JMJD1C: variants seen among roughly 807,000 people sequenced by gnomAD.
JMJD1C encodes the protein jumonji domain-containing protein 1C.
In JMJD1C, 31 loss-of-function variants were observed where a neutral mutation model predicts 245.3. The observed-to-expected ratio is 0.13, with a 90% CI of 0.09 to 0.17. The LOEUF is 0.17. Ranked by LOEUF, JMJD1C falls within the 10% of genes least tolerant of loss-of-function variation. JMJD1C has a pLI of 1.00. For synonymous variants in JMJD1C, 1,057 were observed against 1,017.4 expected, an observed-to-expected ratio of 1.04 and a Z score of -0.74; for missense variants, 2,691 against 3,000.2, an observed-to-expected ratio of 0.90 and a Z score of 2.41.
At chr10:63,476,907 T>C (rs188647379) in intron 1 of JMJD1C, among the ~76,000 whole-genome samples, 2 of 152,144 alleles carry the variant, frequency 1.3e-5, no homozygotes, top group East Asian at 1.9e-4. Flanking sequence ...GGGGAAAATA[T>C]GCAAACTAAA....
Position 63,168,367 on chromosome 10 carries a change from T to C in JMJD1C, c.7533+68A>G, listed in dbSNP as rs1158550259. ...AACTAGGCAATGACTGCCTAAGCTG[T>C]TATACATGTATCATATTTCTGAATA... On this transcript the variant is annotated intron_variant, in intron 25 of 25. Coordinates refer to ENST00000399262, the MANE Select transcript of JMJD1C (RefSeq NM_032776.3). 21 of 1,485,770 alleles carry C rather than the reference T, an allele frequency of 1.4e-5. No individual in the cohort carries two copies. The East Asian group carries it at 2.9e-4, about 21-fold the overall frequency. The allele number at this position is 1,485,770 out of a possible 1,614,324, so 92.0% of individuals were successfully genotyped here.
rs892710711 is a variant in JMJD1C, at chr10:63,465,916, C to G, written c.-254G>C. ...CACACAAGAAAACTGAAACAAAACC[C>G]AACGCGGCCGTCGAAGACCCCGAGG... is the stretch of plus-strand genomic sequence containing the variant. On this transcript the variant is annotated 5_prime_UTR_variant, in exon 1 of 26. Transcript: ENST00000399262. The G allele has an allele frequency of 1.6e-6, 1 of 622,870 alleles. No homozygotes were observed. Among genetic ancestry groups the G allele is most frequent in the Non-Finnish European group, 2.9e-6 (1 of 340,638 alleles). The allele number at this position is 622,870 out of a possible 1,614,324, so 38.6% of individuals were successfully genotyped here. A position where few individuals can be genotyped will look rare whatever the true frequency, so the allele number is the denominator to read the frequency against.
intron 3 of JMJD1C, among the ~76,000 whole-genome samples, chr10:63,258,627 C>T (rs908873575): frequency 4.5e-4 from 69 of 152,176 alleles, no homozygotes; most frequent in African/African-American, 1.7e-3. Context: ...CACCAACCAC[C>T]CCACCAACCC....
intron 2 of JMJD1C, among the ~76,000 whole-genome samples, chr10:63,293,833 C>G (rs1859059881): frequency 6.6e-6 from 1 of 152,056 alleles, no homozygotes; most frequent in Non-Finnish European, 1.5e-5. Flanking sequence ...TCTTCACAAC[C>G]CTTAAATGTG....
At chr10:63,357,054 T>TA (rs1944905487) in intron 2 of JMJD1C, among the ~76,000 whole-genome samples, 1 of 151,992 alleles carries the variant, frequency 6.6e-6, no homozygotes, top group Admixed American at 6.6e-5. Context: ...TTTTTTTTTT[T>TA]AATGGACTCT....
At chr10:63,172,038 G>A (rs535115840) in intron 24 of JMJD1C, among the ~76,000 whole-genome samples, 2 of 152,308 alleles carry the variant, frequency 1.3e-5, no homozygotes, top group South Asian at 2.1e-4. Flanking sequence ...CACCCCACAG[G>A]AGAGGAAAGG....
intron 1 of JMJD1C, chr10:63,465,144 C>G (rs927035080): frequency 3.1e-6 from 1 of 320,812 alleles, no homozygotes; most frequent in Non-Finnish European, 5.7e-6. Flanking sequence ...CCCCCTACCC[C>G]CACCTGCCCG....
At chr10:63,194,690 T>C (rs1223112934) in intron 13 of JMJD1C, 1 of 231,268 alleles carries the variant, frequency 4.3e-6, no homozygotes, top group Non-Finnish European at 8.7e-6. Context: ...GTAGCTAATC[T>C]TCTATCTCTT....
intron 2 of JMJD1C, among the ~76,000 whole-genome samples, chr10:63,339,150 A>T (rs1403853297): frequency 6.6e-6 from 1 of 152,210 alleles, no homozygotes; most frequent in Non-Finnish European, 1.5e-5. Context: ...AGCCAGCCCA[A>T]CAGGGAGAAG....
intron 3 of JMJD1C, among the ~76,000 whole-genome samples, chr10:63,224,977 G>A (rs1849069302): frequency 1.3e-5 from 2 of 151,534 alleles, no homozygotes; most frequent in South Asian, 2.1e-4. Flanking sequence ...CAGGAGAATC[G>A]CTTGAACCCA....
At chr10:63,244,817 A>AGGGGGGG (rs370952932) in intron 3 of JMJD1C, among the ~76,000 whole-genome samples, 1 of 52,794 alleles carries the variant, frequency 1.9e-5, no homozygotes, top group African/African-American at 7.1e-5. Flanking sequence ...TTAAAAAAAA[A>AGGGGGGG]GGGGGGGGGA....
rs1016904484 is a variant in JMJD1C, at chr10:63,267,313, G to C, written c.334-2549C>G. On this transcript the variant is annotated intron_variant, in intron 2 of 25. Coordinates refer to ENST00000399262, the MANE Select transcript of JMJD1C (RefSeq NM_032776.3). ...ATGAAGTGATATTAAAATACACCCC[G>C]GTTTTTTTAACTGGCAAAACAACCA... Among the ~76,000 whole-genome samples, 6 of 151,906 alleles carry C rather than the reference G, an allele frequency of 3.9e-5. No homozygotes were observed. The East Asian group carries it at 5.8e-4, about 15-fold the overall frequency.
chr10:63,315,644 A>G (rs2134075684), intron 2 of JMJD1C, among the ~76,000 whole-genome samples: 1 of 152,080 alleles, frequency 6.6e-6, no homozygotes, highest in Admixed American at 6.6e-5. Flanking sequence ...GATTGAGATC[A>G]TCCTGGCCAA....
intron 1 of JMJD1C, among the ~76,000 whole-genome samples, chr10:63,487,940 G>T (rs1954050212): frequency 6.6e-6 from 1 of 152,148 alleles, no homozygotes; most frequent in Admixed American, 6.5e-5. Context: ...TTCTAAGAAA[G>T]GTATATTATT....
At chr10:63,299,754 A>C (rs948828866) in intron 2 of JMJD1C, among the ~76,000 whole-genome samples, 1 of 152,134 alleles carries the variant, frequency 6.6e-6, no homozygotes, top group Non-Finnish European at 1.5e-5. Flanking sequence ...GAATTCCAAG[A>C]AACTCTACAA....
In JMJD1C at chr10:63,462,609, G is replaced by T. The variant is rs1487764798; in HGVS notation, c.168+2886C>A. Among the ~76,000 whole-genome samples, 3 of 152,266 alleles carry T rather than the reference G, an allele frequency of 2.0e-5. No individual in the cohort carries two copies. The East Asian group carries it at 5.8e-4, about 29-fold the overall frequency. ...TCAACAGGGCACTTACAAGTGTAAT[G>T]GGGAAGCAGGAGAGTTAGAAGGAGA... On this transcript the variant is annotated intron_variant, in intron 1 of 25. Transcript: ENST00000399262.
chr10:63,248,891 G>T (rs918264951), intron 3 of JMJD1C, among the ~76,000 whole-genome samples: 8 of 152,176 alleles, frequency 5.3e-5, no homozygotes, highest in African/African-American at 1.9e-4. Context: ...TATTGTCCTG[G>T]CCATAAAAAG....
chr10:63,452,457 G>A (rs1466721141), intron 1 of JMJD1C, among the ~76,000 whole-genome samples: 1 of 152,240 alleles, frequency 6.6e-6, no homozygotes. Context: ...AGGATGTAGA[G>A]AAACTGGAAT....
intron 1 of JMJD1C, among the ~76,000 whole-genome samples, chr10:63,416,940 A>G (rs772929904): frequency 1.4e-4 from 22 of 152,216 alleles, no homozygotes; most frequent in Non-Finnish European, 2.5e-4. Flanking sequence ...TTAACAATAA[A>G]TATTTATCAT....
Sources: allele counts gnomAD v4.1 joint callset (sites outside exome capture counted in the v4.1 genomes callset), GRCh38; gene constraint gnomAD v4.1.1; transcripts MANE v1.5; gene names NCBI Gene and HGNC (gene_info 2026-07-23, HGNC 2026-07-21).